Variants in GPR183 observed in about 807,000 individuals in gnomAD.
GPR183 encodes EBV-induced G-protein coupled receptor 2.
A neutral mutation model predicts 19.7 loss-of-function variants in GPR183; 9 were observed. The observed-to-expected ratio is 0.46, with a 90% CI of 0.28 to 0.80. The LOEUF is 0.80. Among genes scored for constraint, GPR183 ranks in the 30% least tolerant of loss-of-function variants. The pLI, the probability that GPR183 is intolerant of heterozygous loss-of-function variation, is 0.13. For synonymous variants in GPR183, 160 were observed against 155.1 expected (o/e 1.03, Z -0.24); for missense variants, 368 against 446.7 (o/e 0.82, Z 1.59).
chr13:99,298,419 C>G (rs545270097), intron 1 of GPR183, among the ~76,000 whole-genome samples: 1 of 152,198 alleles, frequency 6.6e-6, no homozygotes, highest in East Asian at 1.9e-4. Context: ...GAAGAAATCA[C>G]AGTGGAAATT....
At chr13:99,297,588 G>A (rs1239796090) in intron 1 of GPR183, among the ~76,000 whole-genome samples, 1 of 152,050 alleles carries the variant, frequency 6.6e-6, no homozygotes, top group East Asian at 1.9e-4. Context: ...ATTCTGTACA[G>A]TGTTGATAGG....
chr13:99,302,982 C>G (rs921625536), intron 1 of GPR183, among the ~76,000 whole-genome samples: 2 of 145,620 alleles, frequency 1.4e-5, no homozygotes, highest in Non-Finnish European at 3.0e-5. Flanking sequence ...ATAGAGTTGA[C>G]TGTGGTCCGT....
chr13:99,304,223 C>G (rs962956261), intron 1 of GPR183, among the ~76,000 whole-genome samples: 3 of 152,186 alleles, frequency 2.0e-5, no homozygotes, highest in African/African-American at 7.2e-5. Flanking sequence ...ATCCCACGTT[C>G]CCTCACAACT....
At chr13:99,298,474 CTG>C (rs1021902927) in intron 1 of GPR183, among the ~76,000 whole-genome samples, 35 of 152,080 alleles carry the variant, frequency 2.3e-4, no homozygotes, top group South Asian at 4.1e-4. Flanking sequence ...CCTGTGAAAA[CTG>C]TGGGATGCAG....
chr13:99,298,208 A>C (rs1031350308), intron 1 of GPR183, among the ~76,000 whole-genome samples: 1 of 152,170 alleles, frequency 6.6e-6, no homozygotes, highest in African/African-American at 2.4e-5. Context: ...AAGCTAACAG[A>C]ACTTGTACTG....
Position 99,295,493 on chromosome 13 carries a change from T to G in GPR183, c.653A>C (p.Gln218Pro). 6.2e-7 allele frequency: 1 copy of G among 1,613,986 alleles called. No individual in the cohort carries two copies. Among genetic ancestry groups the G allele is most frequent in the Non-Finnish European group, 8.5e-7 (1 of 1,180,008 alleles). Residue 218 changes from glutamine (Q) to proline (P), a missense_variant, in exon 2 of 2, where the codon CAG becomes CCG. Gln to Pro is a moderately conservative substitution (Grantham distance 76). Transcript: ENST00000376414. This position sits in a 1 kb window ranked among gnomAD's most constrained non-coding sequence, Gnocchi z 4.1. ...PLIIILICYS[Q>P]ICCKLFRTAK... ...AGTTCTGAAGAGTTTGCAGCAGATC[T>G]GAGAATAGCAGATGAGAATGATTAT...
chr13:99,307,170 A>G (rs1160552076), intron 1 of GPR183, among the ~76,000 whole-genome samples, 170 bp downstream of exon 1: 2 of 152,216 alleles, frequency 1.3e-5, no homozygotes, highest in African/African-American at 4.8e-5. Flanking sequence ...AACTAGACCT[A>G]CCAGTCAGCA....
intron 1 of GPR183, among the ~76,000 whole-genome samples, chr13:99,299,449 T>TAC (rs1005093496): frequency 1.3e-4 from 20 of 149,888 alleles, no homozygotes; most frequent in African/African-American, 3.5e-4. Flanking sequence ...GGGAAGCAAA[T>TAC]ACACACACAC....
chr13:99,306,499 AC>A (rs1371428556), intron 1 of GPR183, among the ~76,000 whole-genome samples: 1 of 152,054 alleles, frequency 6.6e-6, no homozygotes, highest in African/African-American at 2.4e-5. Context: ...CACCAAAAAA[AC>A]AAAATACCAC....
Position 99,295,024 on chromosome 13 carries a change from C to G in GPR183, c.*36G>C. The stretch of plus-strand genomic sequence containing the variant: ...GGGAAGTCCTGCAAAGTTTGTCATA[C>G]AGTTTACGTCACTATAAACCAAAAT... On this transcript the variant is annotated 3_prime_UTR_variant, in exon 2 of 2. Transcript: ENST00000376414. The surrounding 1 kb of genome is among the most constrained non-coding windows in gnomAD (Gnocchi z 4.1). 1.9e-6 allele frequency: 3 copies of G among 1,565,468 alleles called. No individual in the cohort carries two copies. The highest frequency in any genetic ancestry group is 2.6e-6 in the Non-Finnish European group (3 of 1,157,314).
chr13:99,304,281 A>G (rs921443435), intron 1 of GPR183, among the ~76,000 whole-genome samples: 3 of 152,064 alleles, frequency 2.0e-5, no homozygotes, highest in Non-Finnish European at 4.4e-5. Context: ...TCTGGCCCCT[A>G]TCCTGTATCC....
At chr13:99,305,341 A>C (rs898247989) in intron 1 of GPR183, among the ~76,000 whole-genome samples, 1 of 152,164 alleles carries the variant, frequency 6.6e-6, no homozygotes, top group African/African-American at 2.4e-5. Context: ...GAAGGTGATA[A>C]ACCCCCCAGA....
At position 99,298,993 on chromosome 13, in the gene GPR183, A is replaced by T. The variant is rs533197975; in HGVS notation, c.-18-2830T>A. 6.6e-5 allele frequency among the ~76,000 whole-genome samples: 10 copies of T among 152,306 alleles called. No individual in the cohort carries two copies. In the South Asian group the frequency reaches 2.1e-3, roughly 32 times the overall value. On this transcript the variant is annotated intron_variant, in intron 1 of 1. Coordinates refer to ENST00000376414, the MANE Select transcript of GPR183 (RefSeq NM_004951.5). Reference sequence around the variant, plus strand: ...TTTTTGAGTATTTCTAAGCAGATTCATGGGAATTGCCTTTAAAATACATGG... The same window carrying T: ...TTTTTGAGTATTTCTAAGCAGATTCTTGGGAATTGCCTTTAAAATACATGG...
chr13:99,295,968 T>C lies in GPR183; in HGVS notation c.178A>G (p.Arg60Gly). 1 of 1,614,100 alleles carries C rather than the reference T, an allele frequency of 6.2e-7. No individual in the cohort carries two copies. The highest frequency in any genetic ancestry group is 8.5e-7 in the Non-Finnish European group (1 of 1,179,950). ...LLALVVIVQNRKKINSTTLYS... is the reference protein window; with the variant it reads ...LLALVVIVQNGKKINSTTLYS... ...AGGGTGGTAGAGTTGATTTTTTTCC[T>C]GTTTTGAACAATGACGACCAAGGCT... Residue 60 changes from arginine to glycine, a missense_variant, in exon 2 of 2, where the codon AGG becomes GGG. Arg to Gly is a moderately radical substitution (Grantham distance 125). Transcript: ENST00000376414. This position sits in a 1 kb window ranked among gnomAD's most constrained non-coding sequence, Gnocchi z 4.1.
chr13:99,296,570 C>G (rs916401535), intron 1 of GPR183, among the ~76,000 whole-genome samples: 5 of 152,142 alleles, frequency 3.3e-5, no homozygotes, highest in Non-Finnish European at 7.4e-5. Context: ...TTAAGCTTTG[C>G]TTTTAAATTT....
At position 99,294,925 on chromosome 13, in the gene GPR183, A is replaced by G; in HGVS notation, c.*135T>C. 1 of 911,526 alleles carries G rather than the reference A, an allele frequency of 1.1e-6. No individual in the cohort carries two copies. Among genetic ancestry groups the G allele is most frequent in the Non-Finnish European group, 1.6e-6 (1 of 612,448 alleles). 56.5% of individuals were successfully genotyped at this position (911,526 alleles called of 1,614,324 possible). A position where few individuals can be genotyped will look rare whatever the true frequency, so the allele number is the denominator to read the frequency against. ...TCTCTTGGGCTTACTTCCGAGTTGG[A>G]GATGGGAAAGTGCCCAATGAAAGAA... On this transcript the variant is annotated 3_prime_UTR_variant, in exon 2 of 2. Transcript: ENST00000376414.
At position 99,295,660 on chromosome 13, in the gene GPR183, C is replaced by G. The variant is rs754711229; in HGVS notation, c.486G>C (p.Gln162His). 1 of 1,614,112 alleles carries G rather than the reference C, an allele frequency of 6.2e-7. No homozygotes were observed. ...TAGGGTTGATGAGGAGTGGGAGTGT[C>G]TGAGCAAATACTAGAATCCAGACAA... Reference protein sequence around the residue: ...CIFVWILVFAQTLPLLINPMS... With the variant: ...CIFVWILVFAHTLPLLINPMS... Residue 162 changes from glutamine (Q) to histidine (H), a missense_variant, in exon 2 of 2, where the codon CAG becomes CAC. Physicochemically the swap from Gln to His is conservative, Grantham distance 24. Coordinates refer to ENST00000376414, the MANE Select transcript of GPR183 (RefSeq NM_004951.5). This position sits in a 1 kb window ranked among gnomAD's most constrained non-coding sequence, Gnocchi z 4.1.
Position 99,295,242 on chromosome 13 carries a change from A to T in GPR183, c.904T>A (p.Cys302Ser), listed in dbSNP as rs1191502727. 1.2e-6 allele frequency: 2 copies of T among 1,614,046 alleles called. No homozygotes were observed. The highest frequency in any genetic ancestry group is 1.7e-6 in the Non-Finnish European group (2 of 1,180,010). ...AAGAAGTAGATAAAAGGGTCCATGCAGCAATTGAAGTTCATCAGGCATACT... is the reference window on the plus strand; with the variant it reads ...AAGAAGTAGATAAAAGGGTCCATGCTGCAATTGAAGTTCATCAGGCATACT... ...FTVCLMNFNCCMDPFIYFFAC... is the reference protein window; with the variant it reads ...FTVCLMNFNCSMDPFIYFFAC... The change falls in exon 2 of 2, where the codon TGC becomes AGC. Residue 302 changes from cysteine (C) to serine (S), a missense_variant. Transcript: ENST00000376414. The surrounding 1 kb of genome is among the most constrained non-coding windows in gnomAD (Gnocchi z 4.1).
chr13:99,306,019 T>C (rs953893417), intron 1 of GPR183, among the ~76,000 whole-genome samples: 1 of 152,098 alleles, frequency 6.6e-6, no homozygotes, highest in Admixed American at 6.6e-5. Flanking sequence ...CCTCACCCTC[T>C]TGAGTAGCTG....
Sources: allele counts gnomAD v4.1 joint callset (sites outside exome capture counted in the v4.1 genomes callset), GRCh38; gene constraint gnomAD v4.1.1; non-coding constraint Gnocchi (gnomAD v3.1); transcripts MANE v1.5; gene names NCBI Gene and HGNC (gene_info 2026-07-23, HGNC 2026-07-21).